ARHGEF28: variants seen among roughly 807,000 people sequenced by gnomAD.
ARHGEF28 encodes the protein Rho guanine nucleotide exchange factor 28.
ARHGEF28 carries 152 observed loss-of-function variants against 206.6 expected under a neutral mutation model. The observed-to-expected ratio is 0.74, with a 90% CI of 0.64 to 0.84. The LOEUF is 0.84. Among genes scored for constraint, ARHGEF28 ranks in the 40% least tolerant of loss-of-function variants. The pLI, the probability that ARHGEF28 is intolerant of heterozygous loss-of-function variation, is 0.00. For synonymous variants in ARHGEF28, 763 were observed against 776.4 expected (o/e 0.98, Z 0.29); for missense variants, 2,028 against 2,073.2 (o/e 0.98, Z 0.42).
intron 1 of ARHGEF28, among the ~76,000 whole-genome samples, chr5:73,652,243 T>A (rs1744882454): frequency 6.6e-6 from 1 of 152,162 alleles, no homozygotes; most frequent in South Asian, 2.1e-4. Flanking sequence ...ATTAGAGAAG[T>A]TAGTCAAGTC....
rs777257334 is a variant in ARHGEF28 at position 73,909,814 on chromosome 5, C to T, written c.4564C>T (p.Arg1522Trp). 1.1e-5 allele frequency: 17 copies of T among 1,538,518 alleles called. No individual in the cohort carries two copies. The highest frequency in any genetic ancestry group is 2.0e-5 in the Admixed American group (1 of 49,436). ...GGTGGAGAGGGAGCAGGCGAGGATGCGGGCCCAGCAGAGCCTGCTGGGCCA... is the reference window on the plus strand; with the variant it reads ...GGTGGAGAGGGAGCAGGCGAGGATGTGGGCCCAGCAGAGCCTGCTGGGCCA... ...RLVEREQARM[R>W]AQQSLLGHWK... Residue 1522 changes from arginine (R) to tryptophan (W), a missense_variant, in exon 34 of 36, where the codon CGG becomes TGG. Around this residue, in one of 3 missense-constraint regions of ARHGEF28, gnomAD observed 803 missense variants for 768.0 expected, o/e 1.05. Coordinates refer to ENST00000513042, the MANE Select transcript of ARHGEF28 (RefSeq NM_001177693.2).
intron 2 of ARHGEF28, among the ~76,000 whole-genome samples, chr5:73,713,771 T>C (rs1749403388): frequency 6.6e-6 from 1 of 152,212 alleles, no homozygotes; most frequent in Non-Finnish European, 1.5e-5. Context: ...AATTAAATAT[T>C]TTTTATGCAC....
intron 9 of ARHGEF28, among the ~76,000 whole-genome samples, chr5:73,812,876 T>A (rs1415143404): frequency 6.6e-6 from 1 of 152,088 alleles, no homozygotes; most frequent in Admixed American, 6.6e-5. Context: ...ATGAGTACAA[T>A]CTATATAAAA....
At chr5:73,929,187 T>G (rs924767304) in intron 35 of ARHGEF28, among the ~76,000 whole-genome samples, 2 of 152,208 alleles carry the variant, frequency 1.3e-5, no homozygotes, top group Non-Finnish European at 2.9e-5. Context: ...TTTAAACATA[T>G]ACAAAATTAT....
chr5:73,744,269 TG>T (rs1290823500), intron 2 of ARHGEF28, among the ~76,000 whole-genome samples: 5 of 152,194 alleles, frequency 3.3e-5, no homozygotes, highest in South Asian at 2.1e-4. Context: ...TAAAATACTT[TG>T]TGCCCACGGT....
Position 73,909,823 on chromosome 5 carries a change from CAGAGCCTGCTGGGCCACTGG to C in ARHGEF28, c.4575_4594del (p.Ser1526AlafsTer22). The C allele has an allele frequency of 6.5e-7, 1 of 1,541,142 alleles. No homozygotes were observed. Among genetic ancestry groups the C allele is most frequent in the Non-Finnish European group, 8.7e-7 (1 of 1,154,128 alleles). On this transcript the variant is annotated frameshift_variant, in exon 34 of 36. Coordinates refer to ENST00000513042, the MANE Select transcript of ARHGEF28 (RefSeq NM_001177693.2). LOFTEE classifies it high-confidence loss of function. ...GGAGCAGGCGAGGATGCGGGCCCAG[CAGAGCCTGCTGGGCCACTGG>C]AAGCACGGCCGGCAGAGGAGCCTGC...
chr5:73,817,393 A>G (rs556551839), intron 9 of ARHGEF28, among the ~76,000 whole-genome samples: 4 of 152,240 alleles, frequency 2.6e-5, no homozygotes, highest in Non-Finnish European at 5.9e-5. Context: ...CCTATTAATC[A>G]TAACTACTCT....
intron 35 of ARHGEF28, among the ~76,000 whole-genome samples, chr5:73,922,382 T>C (rs1197907863): frequency 6.6e-6 from 1 of 152,238 alleles, no homozygotes; most frequent in East Asian, 1.9e-4. Flanking sequence ...GGGAATACAC[T>C]GACATTTGCT....
chr5:73,769,197 A>C (rs1753077787), intron 4 of ARHGEF28, among the ~76,000 whole-genome samples: 1 of 152,144 alleles, frequency 6.6e-6, no homozygotes, highest in African/African-American at 2.4e-5. Context: ...ATGTGTATAT[A>C]TATATGTGTG....
intron 2 of ARHGEF28, among the ~76,000 whole-genome samples, chr5:73,710,573 CT>C (rs1022374872): frequency 2.0e-5 from 3 of 152,138 alleles, no homozygotes; most frequent in African/African-American, 7.2e-5. Flanking sequence ...ATCAATTTTT[CT>C]TTTTGTAGGT....
intron 4 of ARHGEF28, among the ~76,000 whole-genome samples, chr5:73,772,328 G>C (rs367899137): frequency 1.3e-5 from 2 of 152,120 alleles, no homozygotes; most frequent in Non-Finnish European, 2.9e-5. Context: ...TGTCTTGAAG[G>C]GGGAGCTGTG....
chr5:73,629,155 G>A (rs935179684), intron 1 of ARHGEF28, among the ~76,000 whole-genome samples: 13 of 151,958 alleles, frequency 8.6e-5, no homozygotes, highest in African/African-American at 2.7e-4. Flanking sequence ...GAGTTTTTAG[G>A]GTCTGTTGCA....
chr5:73,877,710 G>T (rs1383866309), intron 22 of ARHGEF28, among the ~76,000 whole-genome samples: 30 of 151,152 alleles, frequency 2.0e-4, no homozygotes, highest in Admixed American at 2.0e-3. Flanking sequence ...AGGTTGTTCA[G>T]TTTCCATGTA....
chr5:73,863,700 C>CA (rs1353985182), intron 16 of ARHGEF28, among the ~76,000 whole-genome samples: 2 of 151,194 alleles, frequency 1.3e-5, no homozygotes, highest in African/African-American at 4.9e-5. Flanking sequence ...ATCTAGTATT[C>CA]AGTGGTTGCT....
intron 22 of ARHGEF28, among the ~76,000 whole-genome samples, chr5:73,880,949 T>TAA (rs1760884960): frequency 6.8e-6 from 1 of 146,570 alleles, no homozygotes; most frequent in Admixed American, 6.9e-5. Flanking sequence ...AAAAAAAAGT[T>TAA]GTACAGTTTG....
chr5:73,814,673 G>A (rs542754654), intron 9 of ARHGEF28, among the ~76,000 whole-genome samples: 13 of 152,194 alleles, frequency 8.5e-5, no homozygotes, highest in Admixed American at 8.5e-4. Context: ...TCCTTCGGGA[G>A]CATACCTGTT....
chr5:73,795,274 C>T, intron 8 of ARHGEF28, 57 bp from the exon 9 acceptor site: 1 of 1,484,906 alleles, frequency 6.7e-7, no homozygotes. Flanking sequence ...CAAAAATAAA[C>T]ATTAGTGTAG....
chr5:73,756,108 A>AT (rs1276629081), intron 4 of ARHGEF28, among the ~76,000 whole-genome samples: 1 of 152,150 alleles, frequency 6.6e-6, no homozygotes, highest in East Asian at 1.9e-4. Flanking sequence ...GGTGCTGCAC[A>AT]TTTTTAATTT....
intron 9 of ARHGEF28, among the ~76,000 whole-genome samples, chr5:73,817,556 A>G (rs72770896): frequency 0.026 from 3,959 of 152,294 alleles, 89 homozygotes; most frequent in Non-Finnish European, 0.038. Context: ...AGGGAACAGT[A>G]ACCATGGTAG....
Sources: gnomAD v4.1 joint callset for allele counts (sites outside exome capture counted in the v4.1 genomes callset) on GRCh38, gnomAD v4.1.1 for gene constraint, gnomAD v4.1.1 regional missense constraint, MANE v1.5 for transcripts, NCBI Gene and HGNC (gene_info 2026-07-23, HGNC 2026-07-21) for gene names.